CHRM3: variants seen among roughly 807,000 people sequenced by gnomAD.
CHRM3 encodes the protein cholinergic receptor muscarinic 3, also known as muscarinic acetylcholine receptor M3.
A neutral mutation model predicts 41.8 loss-of-function variants in CHRM3; 11 were observed. That is an observed-to-expected ratio of 0.26 (90% CI 0.17 to 0.44). The LOEUF is 0.44. CHRM3 is among the 20% of genes least tolerant of loss of function. CHRM3 has a pLI of 1.00. For synonymous variants in CHRM3, 297 were observed against 301.4 expected, an observed-to-expected ratio of 0.99 and a Z score of 0.15; for missense variants, 571 against 745.4, an observed-to-expected ratio of 0.77 and a Z score of 2.72.
chr1:239,670,671 G>A (rs1229822429), intron 4 of CHRM3, among the ~76,000 whole-genome samples: 1 of 152,028 alleles, frequency 6.6e-6, no homozygotes, highest in Non-Finnish European at 1.5e-5. Context: ...GGGATTACAG[G>A]CGTGCTCCAC....
At chr1:239,583,251 C>T (rs1663073974) in intron 3 of CHRM3, among the ~76,000 whole-genome samples, 1 of 152,094 alleles carries the variant, frequency 6.6e-6, no homozygotes, top group Non-Finnish European at 1.5e-5. Flanking sequence ...ATTAAACATG[C>T]ATATGTACTT....
intron 1 of CHRM3, among the ~76,000 whole-genome samples, chr1:239,442,940 T>TA (rs1323086551): frequency 6.6e-6 from 1 of 152,226 alleles, no homozygotes; most frequent in Non-Finnish European, 1.5e-5. Flanking sequence ...GACTGTAGTT[T>TA]AATCAAGTCT....
At chr1:239,878,334 A>G (rs191153665) in intron 6 of CHRM3, among the ~76,000 whole-genome samples, 34 of 152,272 alleles carry the variant, frequency 2.2e-4, no homozygotes, top group Admixed American at 9.2e-4. Context: ...CACACAAGCT[A>G]GATCCTTCGC....
chr1:239,635,651 AC>A (rs1185167691), intron 4 of CHRM3, among the ~76,000 whole-genome samples: 2 of 152,238 alleles, frequency 1.3e-5, no homozygotes. Context: ...CAAAATACTT[AC>A]ATATGTAACT....
At chr1:239,631,863 T>G (rs1416076937) in intron 3 of CHRM3, among the ~76,000 whole-genome samples, 1 of 152,202 alleles carries the variant, frequency 6.6e-6, no homozygotes, top group Non-Finnish European at 1.5e-5. Flanking sequence ...AGAAAGGCAA[T>G]CATCACTTAC....
At chr1:239,474,154 T>A (rs2147958753) in intron 1 of CHRM3, among the ~76,000 whole-genome samples, 1 of 152,174 alleles carries the variant, frequency 6.6e-6, no homozygotes, top group South Asian at 2.1e-4. Flanking sequence ...CAATCTTGTT[T>A]AAAAAGAGTA....
At chr1:239,870,535 A>G (rs1676487579) in intron 6 of CHRM3, among the ~76,000 whole-genome samples, 1 of 152,246 alleles carries the variant, frequency 6.6e-6, no homozygotes, top group Non-Finnish European at 1.5e-5. Flanking sequence ...TCAGTCTCAC[A>G]GGTGAGCAGT....
intron 5 of CHRM3, among the ~76,000 whole-genome samples, chr1:239,825,750 T>C (rs1402426818): frequency 6.6e-6 from 1 of 152,206 alleles, no homozygotes; most frequent in Non-Finnish European, 1.5e-5. Flanking sequence ...GGTCTTGCTC[T>C]TTTTCCCAGG....
chr1:239,901,328 T>C (rs1355900746), intron 6 of CHRM3, among the ~76,000 whole-genome samples: 1 of 151,592 alleles, frequency 6.6e-6, no homozygotes. Context: ...TCGGAAACTT[T>C]GGGATTTTTT....
intron 4 of CHRM3, among the ~76,000 whole-genome samples, chr1:239,653,775 G>T (rs762848471): frequency 6.6e-6 from 1 of 152,148 alleles, no homozygotes; most frequent in Non-Finnish European, 1.5e-5. Flanking sequence ...TCATGTGTCC[G>T]CAGGGCTTCA....
At chr1:239,449,036 C>T (rs1664369856) in intron 1 of CHRM3, among the ~76,000 whole-genome samples, 1 of 152,080 alleles carries the variant, frequency 6.6e-6, no homozygotes, top group Non-Finnish European at 1.5e-5. Flanking sequence ...AACACAACGT[C>T]TCTGTTTATT....
At chr1:239,644,779 C>T (rs1671591065) in intron 4 of CHRM3, among the ~76,000 whole-genome samples, 1 of 152,168 alleles carries the variant, frequency 6.6e-6, no homozygotes, top group African/African-American at 2.4e-5. Context: ...GACAAGCTTT[C>T]AGATGAAGCT....
chr1:239,569,135 C>T (rs571984530), intron 3 of CHRM3, among the ~76,000 whole-genome samples: 3 of 152,276 alleles, frequency 2.0e-5, no homozygotes, highest in Non-Finnish European at 2.9e-5. Context: ...TAAGTGTATA[C>T]ATGCACATGT....
intron 6 of CHRM3, among the ~76,000 whole-genome samples, chr1:239,858,895 A>G (rs1675346873): frequency 6.6e-6 from 1 of 152,166 alleles, no homozygotes; most frequent in Non-Finnish European, 1.5e-5. Context: ...TGCTTAGCAG[A>G]ACGTTTTTGA....
chr1:239,521,729 C>T (rs1220481860), intron 2 of CHRM3, among the ~76,000 whole-genome samples: 3 of 151,968 alleles, frequency 2.0e-5, no homozygotes, highest in Non-Finnish European at 4.4e-5. Context: ...ACAGATTAAA[C>T]CAATCTCAGA....
In CHRM3 at chr1:239,404,719, A is replaced by AATATATATAT. The variant is rs67746016; in HGVS notation, c.-521+17521_-521+17530dup. On this transcript the variant is annotated intron_variant, in intron 1 of 6. Transcript: ENST00000676153. ...CATTAAATGTATCATGCTATATCTAAATATATATATATATATATATATATA... is the reference window on the plus strand; with the variant it reads ...CATTAAATGTATCATGCTATATCTAAATATATATATATATATATATATATATATATATATA... Among the ~76,000 whole-genome samples, 932 of 97,228 alleles carry AATATATATAT rather than the reference A, an allele frequency of 9.6e-3. 17 individuals are homozygous for AATATATATAT. The highest frequency in any genetic ancestry group is 0.012 in the Non-Finnish European group (592 of 50,052). 63.8% of individuals were successfully genotyped at this position (97,228 alleles called of 152,430 possible).
chr1:239,806,747 A>G (rs1346305691), intron 5 of CHRM3, among the ~76,000 whole-genome samples: 1 of 152,202 alleles, frequency 6.6e-6, no homozygotes, highest in African/African-American at 2.4e-5. Flanking sequence ...AAAGAGGTAC[A>G]TTTTAACTTT....
At chr1:239,509,627 A>G (rs1463957908) in intron 2 of CHRM3, among the ~76,000 whole-genome samples, 1 of 152,238 alleles carries the variant, frequency 6.6e-6, no homozygotes, top group Non-Finnish European at 1.5e-5. Flanking sequence ...TAAGAAGGCA[A>G]GGTCTTCCAA....
At chr1:239,833,813 G>C (rs1473887349) in intron 6 of CHRM3, among the ~76,000 whole-genome samples, 1 of 152,108 alleles carries the variant, frequency 6.6e-6, no homozygotes, top group Non-Finnish European at 1.5e-5. Context: ...CTTGGAAAGT[G>C]TTCAAATCAA....
Sources: allele counts gnomAD v4.1 joint callset (sites outside exome capture counted in the v4.1 genomes callset), GRCh38; gene constraint gnomAD v4.1.1; transcripts MANE v1.5; gene names NCBI Gene and HGNC (gene_info 2026-07-23, HGNC 2026-07-21).